Variants in ASIC2 observed in about 807,000 individuals in gnomAD.
ASIC2 encodes acid-sensing ion channel 2.
ASIC2 carries 25 observed loss-of-function variants against 57.3 expected under a neutral mutation model. The observed-to-expected ratio is 0.44, with a 90% CI of 0.32 to 0.61. The LOEUF (loss-of-function observed/expected upper bound fraction) is 0.61, where lower values mean the gene tolerates loss of function less well. Among genes scored for constraint, ASIC2 ranks in the 20% least tolerant of loss-of-function variants. ASIC2 has a pLI of 0.06. For missense variants in ASIC2, 641 were observed against 738.1 expected (o/e 0.87, Z 1.52); for synonymous variants, 319 against 307.5 (o/e 1.04, Z -0.39).
chr17:34,044,047 GT>G (rs1908234826), intron 1 of ASIC2, among the ~76,000 whole-genome samples: 1 of 151,862 alleles, frequency 6.6e-6, no homozygotes, highest in Admixed American at 6.6e-5. Context: ...AATTATCTTT[GT>G]TTTTATGGAT....
chr17:33,250,142 A>G (rs575878199), intron 1 of ASIC2, among the ~76,000 whole-genome samples: 1 of 152,252 alleles, frequency 6.6e-6, no homozygotes, highest in South Asian at 2.1e-4. Context: ...GGCTATAAAT[A>G]CTTGCTTCCT....
chr17:33,407,588 A>C (rs1396367059), intron 1 of ASIC2, among the ~76,000 whole-genome samples: 1 of 152,230 alleles, frequency 6.6e-6, no homozygotes, highest in African/African-American at 2.4e-5. Flanking sequence ...TGATAGAGAA[A>C]AGAGGAAAAG....
chr17:33,630,507 C>A (rs140162587), intron 1 of ASIC2, among the ~76,000 whole-genome samples: 4 of 152,266 alleles, frequency 2.6e-5, no homozygotes, highest in Non-Finnish European at 5.9e-5. Context: ...TGACTTGTAC[C>A]CCCTAGTGCA....
intron 1 of ASIC2, among the ~76,000 whole-genome samples, chr17:33,694,661 T>C (rs1391858173): frequency 6.6e-6 from 1 of 152,058 alleles, no homozygotes; most frequent in African/African-American, 2.4e-5. Flanking sequence ...AGGAAGTGTA[T>C]CACAAAGCTC....
intron 1 of ASIC2, among the ~76,000 whole-genome samples, chr17:33,649,683 A>G (rs1906857354): frequency 6.6e-6 from 1 of 152,028 alleles, no homozygotes; most frequent in African/African-American, 2.4e-5. Flanking sequence ...ATAGACACAC[A>G]TATTAAAGAA....
At position 33,381,002 on chromosome 17, in the gene ASIC2, T is replaced by G. The variant is rs114005118; in HGVS notation, c.556-268935A>C. 3.1e-3 allele frequency among the ~76,000 whole-genome samples: 475 copies of G among 152,300 alleles called. 1 individual carries two copies. Among genetic ancestry groups the G allele is most frequent in the African/African-American group, 0.011 (466 of 41,580 alleles). Reference sequence around the variant, plus strand: ...AAAGAGGCCCTTGGAGGGATTTGTATTTTAAAGAAGAGCTGGAATCTCGGC... The same window carrying G: ...AAAGAGGCCCTTGGAGGGATTTGTAGTTTAAAGAAGAGCTGGAATCTCGGC... On this transcript the variant is annotated intron_variant, in intron 1 of 9. Coordinates refer to the ASIC2 transcript ENST00000359872.
chr17:33,488,321 CA>C (rs1288422252), intron 1 of ASIC2, among the ~76,000 whole-genome samples: 2 of 152,184 alleles, frequency 1.3e-5, no homozygotes. Context: ...TCGCACAGGC[CA>C]TCCCCCAGTG....
At chr17:33,636,544 C>T (rs1295494259) in intron 1 of ASIC2, among the ~76,000 whole-genome samples, 1 of 152,092 alleles carries the variant, frequency 6.6e-6, no homozygotes, top group East Asian at 1.9e-4. Context: ...GATGCCTGGC[C>T]CTCCTTTTAT....
intron 1 of ASIC2, among the ~76,000 whole-genome samples, chr17:33,888,422 AG>A (rs1320220724): frequency 2.6e-5 from 4 of 152,218 alleles, no homozygotes; most frequent in African/African-American, 9.6e-5. Flanking sequence ...CTTCTGCTTA[AG>A]TGGTGGAAGC....
intron 1 of ASIC2, among the ~76,000 whole-genome samples, chr17:33,603,650 A>G (rs1205223132): frequency 2.6e-5 from 4 of 152,250 alleles, no homozygotes; most frequent in Admixed American, 1.3e-4. Context: ...AGGAGAAGTC[A>G]AAACTGGATT....
At chr17:33,938,650 T>C (rs745861743) in intron 1 of ASIC2, among the ~76,000 whole-genome samples, 1 of 151,582 alleles carries the variant, frequency 6.6e-6, no homozygotes, top group Non-Finnish European at 1.5e-5. Flanking sequence ...ACAATTAGCA[T>C]AGGGTGGAAG....
chr17:33,337,187 G>A (rs1411810241), intron 1 of ASIC2, among the ~76,000 whole-genome samples: 2 of 152,098 alleles, frequency 1.3e-5, no homozygotes, highest in African/African-American at 2.4e-5. Flanking sequence ...CAGTGAGGTA[G>A]CACTGACAGA....
intron 1 of ASIC2, among the ~76,000 whole-genome samples, chr17:34,008,849 A>C (rs983778364): frequency 2.6e-5 from 4 of 152,190 alleles, no homozygotes; most frequent in African/African-American, 9.6e-5. Flanking sequence ...GAACATGTGC[A>C]TTTGTTTTTC....
intron 3 of ASIC2, among the ~76,000 whole-genome samples, chr17:33,088,000 C>T (rs1472638181): frequency 6.6e-6 from 1 of 152,126 alleles, no homozygotes; most frequent in African/African-American, 2.4e-5. Context: ...CTTCCTTGCT[C>T]CTCCGTCATG....
At chr17:33,022,549 T>C (rs1291725071) in intron 6 of ASIC2, among the ~76,000 whole-genome samples, 6 of 152,232 alleles carry the variant, frequency 3.9e-5, no homozygotes, top group Non-Finnish European at 7.3e-5. Flanking sequence ...TACAAGACCC[T>C]CTTGCTCTGA....
intron 7 of ASIC2, among the ~76,000 whole-genome samples, chr17:33,017,969 C>A (rs1377537036): frequency 6.6e-6 from 1 of 152,218 alleles, no homozygotes; most frequent in African/African-American, 2.4e-5. Flanking sequence ...TTTGGTTACA[C>A]TCAAAACCAC....
At chr17:34,088,413 G>A (rs1368067884) in intron 1 of ASIC2, among the ~76,000 whole-genome samples, 2 of 152,160 alleles carry the variant, frequency 1.3e-5, no homozygotes, top group Non-Finnish European at 2.9e-5. Context: ...TTTTGTCTCA[G>A]AGGAGTACCC....
intron 1 of ASIC2, among the ~76,000 whole-genome samples, chr17:33,335,631 C>T (rs1199926525): frequency 6.6e-6 from 1 of 152,142 alleles, no homozygotes; most frequent in Non-Finnish European, 1.5e-5. Context: ...CTTGTGAGGG[C>T]CTGCAAAAGG....
intron 1 of ASIC2, among the ~76,000 whole-genome samples, chr17:33,308,633 GA>G (rs1276986617): frequency 3.3e-5 from 5 of 151,840 alleles, no homozygotes; most frequent in African/African-American, 7.3e-5. Context: ...AAAGATGAAT[GA>G]AAAAAAGGAA....
Sources: allele counts gnomAD v4.1 joint callset (sites outside exome capture counted in the v4.1 genomes callset), GRCh38; gene constraint gnomAD v4.1.1; transcripts MANE v1.5; gene names NCBI Gene and HGNC (gene_info 2026-07-23, HGNC 2026-07-21).